The following MSH3 variants were observed in gnomAD, a reference collection of about 807,000 sequenced individuals.
The protein encoded by MSH3 is DNA mismatch repair protein Msh3.
A neutral mutation model predicts 123.3 loss-of-function variants in MSH3; 106 were observed. The observed-to-expected ratio is 0.86, with a 90% CI of 0.73 to 1.01. The LOEUF (loss-of-function observed/expected upper bound fraction) is 1.01, where lower values mean the gene tolerates loss of function less well. Ranked by LOEUF, MSH3 falls within the 50% of genes least tolerant of loss-of-function variation. The pLI, the probability that MSH3 is intolerant of heterozygous loss-of-function variation, is 0.00. For synonymous variants in MSH3, 515 were observed against 481.4 expected (o/e 1.07, Z -0.91); for missense variants, 1,459 against 1,347.6 (o/e 1.08, Z -1.29).
Position 80,725,214 on chromosome 5 carries a change from CAA to C in MSH3, c.1341-221_1341-220del, listed in dbSNP as rs33919693. Reference sequence around the variant, plus strand: ...TGGGCAACAGAGCGAGACTCCATCTCAAAAAAAAAAAAAAAAAAAGATAATAA... The same window carrying C: ...TGGGCAACAGAGCGAGACTCCATCTCAAAAAAAAAAAAAAAAAGATAATAA... On this transcript the variant is annotated intron_variant, in intron 8 of 23. Coordinates refer to ENST00000265081, the MANE Select transcript of MSH3 (RefSeq NM_002439.5). Among the ~76,000 whole-genome samples the C allele has an allele frequency of 0.22, 21,437 of 99,078 alleles. 1,319 individuals are homozygous for C. Among genetic ancestry groups the C allele is most frequent in the South Asian group, 0.24 (722 of 3,066 alleles). The allele number at this position is 99,078 out of a possible 152,430, so 65.0% of individuals were successfully genotyped here. A position where few individuals can be genotyped will look rare whatever the true frequency, so the allele number is the denominator to read the frequency against.
At chr5:80,739,985 A>G (rs554159140) in intron 10 of MSH3, among the ~76,000 whole-genome samples, 102 of 152,328 alleles carry the variant, frequency 6.7e-4, no homozygotes, top group Non-Finnish European at 1.0e-4. Flanking sequence ...TTATAGCACA[A>G]ACACTTATGC....
intron 2 of MSH3, among the ~76,000 whole-genome samples, chr5:80,663,863 G>C (rs1409957560): frequency 6.6e-6 from 1 of 152,154 alleles, no homozygotes; most frequent in African/African-American, 2.4e-5. Context: ...CTAGCAAGCA[G>C]CTTGGGAGCA....
intron 22 of MSH3, among the ~76,000 whole-genome samples, chr5:80,870,525 G>T (rs1414267691): frequency 6.6e-6 from 1 of 152,152 alleles, no homozygotes; most frequent in South Asian, 2.1e-4. Flanking sequence ...GCTTCTAGCT[G>T]CATCTTCCCT....
chr5:80,863,146 A>G (rs1310759205), intron 21 of MSH3, among the ~76,000 whole-genome samples: 2 of 152,206 alleles, frequency 1.3e-5, no homozygotes, highest in East Asian at 1.9e-4. Context: ...GATGTGATGC[A>G]CTGGGAAGGA....
At chr5:80,813,424 A>G (rs1745043354) in intron 19 of MSH3, among the ~76,000 whole-genome samples, 160 bp from the exon 20 acceptor site, 1 of 152,252 alleles carries the variant, frequency 6.6e-6, no homozygotes, top group Middle Eastern at 3.2e-3. Context: ...TTTCTGCAGT[A>G]TCACACAGTT....
chr5:80,741,273 A>G lies in MSH3; in HGVS notation c.1569-191A>G, dbSNP rs56193396. On this transcript the variant is annotated intron_variant, in intron 10 of 23. Transcript: ENST00000265081. ...GAGTAACTATCTTTGTCTTGCATCA[A>G]TCTACTTAACAGCACCAGCGTTAAT... Among the ~76,000 whole-genome samples the G allele has an allele frequency of 4.8e-3, 737 of 152,150 alleles. 5 individuals carry two copies. Among genetic ancestry groups the G allele is most frequent in the African/African-American group, 0.016 (663 of 41,522 alleles).
At chr5:80,733,671 A>G (rs912020426) in intron 10 of MSH3, among the ~76,000 whole-genome samples, 1 of 152,144 alleles carries the variant, frequency 6.6e-6, no homozygotes, top group African/African-American at 2.4e-5. Flanking sequence ...TGATCCATAC[A>G]GGTTTTTCTC....
intron 20 of MSH3, among the ~76,000 whole-genome samples, chr5:80,843,441 C>T (rs1203526752): frequency 6.6e-6 from 1 of 152,200 alleles, no homozygotes; most frequent in African/African-American, 2.4e-5. Context: ...GGAGGATTCC[C>T]TCTTTCTCTG....
intron 22 of MSH3, among the ~76,000 whole-genome samples, chr5:80,869,841 T>TACACACACAC (rs35006113): frequency 0.24 from 31,520 of 132,254 alleles, 4,171 homozygotes; most frequent in Non-Finnish European, 0.29. Flanking sequence ...TACATATATA[T>TACACACACAC]ACACACACAC....
intron 22 of MSH3, among the ~76,000 whole-genome samples, chr5:80,869,268 A>T (rs536666822): frequency 6.6e-5 from 10 of 152,364 alleles, no homozygotes; most frequent in Middle Eastern, 3.4e-3. Context: ...CCCCATAATA[A>T]GCAGAAACAT....
intron 2 of MSH3, among the ~76,000 whole-genome samples, chr5:80,663,311 G>C (rs372863144): frequency 2.0e-5 from 3 of 152,298 alleles, no homozygotes; most frequent in African/African-American, 7.2e-5. Context: ...TGTTTTAGCA[G>C]CTATCAGGTA....
chr5:80,780,629 G>T (rs932639920), intron 17 of MSH3, among the ~76,000 whole-genome samples: 1 of 152,192 alleles, frequency 6.6e-6, no homozygotes, highest in Non-Finnish European at 1.5e-5. Context: ...CAGTTTGGGA[G>T]GCTGAGGTGG....
chr5:80,707,950 T>C (rs1750759886), intron 8 of MSH3, among the ~76,000 whole-genome samples: 1 of 152,250 alleles, frequency 6.6e-6, no homozygotes, highest in South Asian at 2.1e-4. Context: ...TGCCTATTGG[T>C]TATTCATTTA....
intron 10 of MSH3, among the ~76,000 whole-genome samples, chr5:80,737,191 G>A (rs1375634961): frequency 6.6e-6 from 1 of 152,188 alleles, no homozygotes; most frequent in Non-Finnish European, 1.5e-5. Flanking sequence ...TTAGACAAGT[G>A]ATGAATTTAT....
At chr5:80,729,331 C>T (rs571766894) in intron 10 of MSH3, among the ~76,000 whole-genome samples, 7 of 148,082 alleles carry the variant, frequency 4.7e-5, no homozygotes, top group African/African-American at 1.7e-4. Flanking sequence ...AGGAGAATGG[C>T]GTGAACCCAG....
At chr5:80,802,917 A>G (rs1006925240) in intron 19 of MSH3, among the ~76,000 whole-genome samples, 3 of 152,118 alleles carry the variant, frequency 2.0e-5, no homozygotes, top group Middle Eastern at 3.4e-3. Context: ...TTCTTTTTTT[A>G]TGGCTGAATA....
Position 80,654,918 on chromosome 5 carries a change from C to T in MSH3, c.191C>T (p.Pro64Leu), listed in dbSNP as rs768692915. The T allele has an allele frequency of 3.9e-6, 6 of 1,519,902 alleles. No individual in the cohort carries two copies. The highest frequency in any genetic ancestry group is 2.4e-5 in the South Asian group (2 of 83,118). The allele number at this position is 1,519,902 out of a possible 1,614,324, so 94.2% of individuals were successfully genotyped here. A position where few individuals can be genotyped will look rare whatever the true frequency, so the allele number is the denominator to read the frequency against. ...AAAAAAAAAP[P>L]APPAPAFPPQ... The stretch of plus-strand genomic sequence containing the variant: ...GCGGCCGCAGCGGCCGCAGCGCCCC[C>T]AGCGCCCCCAGCTCCCGCCTTCCCG... Residue 64 changes from proline to leucine, a missense_variant, in exon 1 of 24, where the codon CCA becomes CTA. Pro to Leu is a moderately conservative substitution (Grantham distance 98, BLOSUM62 -3). Transcript: ENST00000265081.
intron 12 of MSH3, among the ~76,000 whole-genome samples, chr5:80,751,656 T>G (rs1743842826): frequency 6.6e-6 from 1 of 152,166 alleles, no homozygotes; most frequent in Non-Finnish European, 1.5e-5. Context: ...CACACAGTGT[T>G]TTTTAATAAG....
chr5:80,806,872 A>T (rs762551443), intron 19 of MSH3, among the ~76,000 whole-genome samples: 2 of 152,158 alleles, frequency 1.3e-5, no homozygotes, highest in African/African-American at 2.4e-5. Flanking sequence ...AAACCAGTAG[A>T]TACAGTCAGT....
Sources: allele counts gnomAD v4.1 joint callset (sites outside exome capture counted in the v4.1 genomes callset), GRCh38; gene constraint gnomAD v4.1.1; transcripts MANE v1.5; gene names NCBI Gene and HGNC (gene_info 2026-07-23, HGNC 2026-07-21).